EYS: variants seen among roughly 807,000 people sequenced by gnomAD.
EYS encodes protein eyes shut homolog.
A neutral mutation model predicts 282.1 loss-of-function variants in EYS; 250 were observed. That is an observed-to-expected ratio of 0.89 (90% CI 0.80 to 0.98). EYS has a LOEUF of 0.98. Among genes scored for constraint, EYS ranks in the 50% least tolerant of loss-of-function variants. The probability of loss-of-function intolerance (pLI) is 0.00; values close to 1 mark genes in which losing one functional copy is unlikely to be tolerated. For missense variants in EYS, 4,016 were observed against 3,709.0 expected (o/e 1.08, Z -2.15); for synonymous variants, 1,355 against 1,282.9 (o/e 1.06, Z -1.20).
chr6:63,735,777 C>T (rs762897492), intron 41 of EYS, among the ~76,000 whole-genome samples: 3 of 152,082 alleles, frequency 2.0e-5, no homozygotes, highest in Middle Eastern at 3.2e-3. Context: ...TTCAGGAATG[C>T]GTTACATTTA....
rs1194751561 is a variant in EYS at position 63,938,566 on chromosome 6, A to G, written c.7055+45817T>C. On this transcript the variant is annotated intron_variant, in intron 35 of 42. Transcript: ENST00000503581. ...GCTTAAATATGATAGAAATATTGAAATGTGGTTTAATTCTCTTGGTTGAAA... is the reference window on the plus strand; with the variant it reads ...GCTTAAATATGATAGAAATATTGAAGTGTGGTTTAATTCTCTTGGTTGAAA... Among the ~76,000 whole-genome samples the G allele has an allele frequency of 3.9e-5, 6 of 152,226 alleles. No homozygotes were observed. The East Asian group carries it at 1.2e-3, about 29-fold the overall frequency.
intron 12 of EYS, among the ~76,000 whole-genome samples, chr6:65,194,851 TTG>T (rs1386697666): frequency 2.8e-5 from 4 of 142,136 alleles, no homozygotes; most frequent in Admixed American, 1.4e-4. Context: ...TGTTTGCCAG[TTG>T]TTTTTTTTTT....
At chr6:65,199,191 GT>G (rs1014941764) in intron 12 of EYS, among the ~76,000 whole-genome samples, 1 of 152,034 alleles carries the variant, frequency 6.6e-6, no homozygotes, top group African/African-American at 2.4e-5. Flanking sequence ...AGAATCCTCA[GT>G]TTTTATAAAT....
intron 22 of EYS, among the ~76,000 whole-genome samples, chr6:64,629,281 A>G (rs897728705): frequency 6.6e-5 from 10 of 152,160 alleles, no homozygotes; most frequent in Admixed American, 1.3e-4. Context: ...ACATTATATT[A>G]ACATTACTCT....
chr6:64,360,992 C>T (rs924640240), intron 29 of EYS, among the ~76,000 whole-genome samples: 2 of 151,532 alleles, frequency 1.3e-5, no homozygotes, highest in Non-Finnish European at 3.0e-5. Flanking sequence ...AGTGTTTTTC[C>T]TTGAAAACCT....
chr6:64,981,251 C>T (rs1000903883), intron 14 of EYS, among the ~76,000 whole-genome samples: 3 of 151,300 alleles, frequency 2.0e-5, no homozygotes, highest in Non-Finnish European at 4.4e-5. Context: ...AATTAGAATG[C>T]AAGGTAATAG....
At chr6:65,127,851 T>G (rs1775764456) in intron 12 of EYS, among the ~76,000 whole-genome samples, 1 of 152,104 alleles carries the variant, frequency 6.6e-6, no homozygotes, top group Non-Finnish European at 1.5e-5. Flanking sequence ...TGTGTGCAAC[T>G]TTCCTCTCAC....
At chr6:63,959,157 A>G (rs1765948877) in intron 35 of EYS, among the ~76,000 whole-genome samples, 1 of 152,232 alleles carries the variant, frequency 6.6e-6, no homozygotes, top group Non-Finnish European at 1.5e-5. Context: ...AAAGGACCTT[A>G]AACAAATTTA....
chr6:63,913,606 T>G lies in EYS; in HGVS notation c.7056-49248A>C, dbSNP rs116248250. Among the ~76,000 whole-genome samples the G allele has an allele frequency of 3.7e-3, 570 of 152,360 alleles. 3 individuals carry two copies. The highest frequency in any genetic ancestry group is 0.012 in the African/African-American group (515 of 41,590). On this transcript the variant is annotated intron_variant, in intron 35 of 42. Coordinates refer to ENST00000503581, the MANE Select transcript of EYS (RefSeq NM_001142800.2). ...TGTATCATTAAAAATGTTTGGCATA[T>G]TTCGCTTAGTATTATTTTTAAAGGT...
At chr6:64,596,846 A>G (rs1766602198) in intron 24 of EYS, among the ~76,000 whole-genome samples, 1 of 152,190 alleles carries the variant, frequency 6.6e-6, no homozygotes. Context: ...ACAAAAAACA[A>G]AAATAGACAA....
At chr6:65,674,212 A>G (rs1162866243) in intron 1 of EYS, among the ~76,000 whole-genome samples, 1 of 151,828 alleles carries the variant, frequency 6.6e-6, no homozygotes, top group East Asian at 2.0e-4. Context: ...TTAAAGAGGT[A>G]AAACTCTTGT....
At chr6:65,612,763 T>C (rs1460135293) in intron 2 of EYS, among the ~76,000 whole-genome samples, 3 of 126,992 alleles carry the variant, frequency 2.4e-5, no homozygotes, top group African/African-American at 7.3e-5. Context: ...ATGTTATTTA[T>C]TATAACTTAA....
At chr6:65,206,883 T>A (rs1308513592) in intron 12 of EYS, among the ~76,000 whole-genome samples, 1 of 151,744 alleles carries the variant, frequency 6.6e-6, no homozygotes, top group African/African-American at 2.4e-5. Context: ...ATCAAAATAA[T>A]AAGAGCCATA....
intron 2 of EYS, among the ~76,000 whole-genome samples, chr6:65,528,443 C>A (rs996022469): frequency 3.9e-5 from 6 of 152,190 alleles, no homozygotes; most frequent in Admixed American, 2.6e-4. Flanking sequence ...AATTTAATTG[C>A]TGTTGTAACA....
chr6:64,108,545 T>C (rs942797127), intron 31 of EYS, among the ~76,000 whole-genome samples: 2 of 150,702 alleles, frequency 1.3e-5, no homozygotes, highest in African/African-American at 4.9e-5. Context: ...TAGCTGAATC[T>C]TTAAGCCTCC....
At chr6:65,698,660 A>T (rs1029658047) in intron 1 of EYS, among the ~76,000 whole-genome samples, 2 of 152,090 alleles carry the variant, frequency 1.3e-5, no homozygotes, top group African/African-American at 4.8e-5. Context: ...TGTGAATTTC[A>T]AGGCACCTTC....
intron 29 of EYS, among the ~76,000 whole-genome samples, chr6:64,369,927 G>C (rs1040541934): frequency 6.6e-5 from 10 of 151,932 alleles, no homozygotes; most frequent in African/African-American, 2.4e-4. Flanking sequence ...TGGAGCTTTA[G>C]GGCAGAGACT....
chr6:64,526,133 A>C (rs189936936), intron 26 of EYS, among the ~76,000 whole-genome samples: 4 of 152,024 alleles, frequency 2.6e-5, no homozygotes, highest in Admixed American at 2.6e-4. Context: ...TTTTGAAATT[A>C]TAAAATTATA....
At chr6:64,660,600 G>A (rs9354013) in intron 22 of EYS, among the ~76,000 whole-genome samples, 97,255 of 151,974 alleles carry the variant, frequency 0.64, 31,357 homozygotes, top group African/African-American at 0.71. Context: ...ATAACAGACA[G>A]ACAGAGAGCC....
Sources: allele counts gnomAD v4.1 joint callset (sites outside exome capture counted in the v4.1 genomes callset), GRCh38; gene constraint gnomAD v4.1.1; transcripts MANE v1.5; gene names NCBI Gene and HGNC (gene_info 2026-07-23, HGNC 2026-07-21).